The following TBC1D2B variants were observed in gnomAD, a reference collection of about 807,000 sequenced individuals.
TBC1D2B encodes TBC1 domain family member 2B.
In TBC1D2B, 64 loss-of-function variants were observed where a neutral mutation model predicts 100.8. The observed-to-expected ratio is 0.64, with a 90% CI of 0.52 to 0.78. TBC1D2B has a LOEUF of 0.78. Ranked by LOEUF, TBC1D2B falls within the 30% of genes least tolerant of loss-of-function variation. TBC1D2B has a pLI of 0.00. For missense variants in TBC1D2B, 1,052 were observed against 1,218.4 expected (o/e 0.86, Z 2.03); for synonymous variants, 480 against 479.7 (o/e 1.00, Z -0.01).
chr15:78,053,872 T>C, intron 2 of TBC1D2B, 162 bp downstream of exon 2: 1 of 804,326 alleles, frequency 1.2e-6, no homozygotes, highest in East Asian at 2.7e-5. Context: ...GCATAAGCTT[T>C]GTACATGGAG....
chr15:78,028,130 T>C (rs1355097907), intron 4 of TBC1D2B, among the ~76,000 whole-genome samples: 2 of 152,256 alleles, frequency 1.3e-5, no homozygotes, highest in African/African-American at 4.8e-5. Flanking sequence ...TCAAAATTAC[T>C]TATTGTTATT....
At chr15:78,046,518 T>C (rs141656702) in intron 2 of TBC1D2B, among the ~76,000 whole-genome samples, 95 of 152,106 alleles carry the variant, frequency 6.2e-4, no homozygotes, top group Admixed American at 2.0e-3. Context: ...TTTTTTGAGA[T>C]AGGGTCTCAG....
intron 1 of TBC1D2B, among the ~76,000 whole-genome samples, chr15:78,067,816 T>C (rs1303966171): frequency 6.6e-6 from 1 of 152,036 alleles, no homozygotes; most frequent in African/African-American, 2.4e-5. Flanking sequence ...AAGATGGTGA[T>C]TCCCAGCTTA....
chr15:78,025,130 A>G lies in TBC1D2B; in HGVS notation c.1086+129T>C, dbSNP rs74643250. 1,631 of 739,342 alleles carry G rather than the reference A, an allele frequency of 2.2e-3. 3 individuals are homozygous for G. Among genetic ancestry groups the G allele is most frequent in the Non-Finnish European group, 2.3e-3 (1,015 of 447,412 alleles). 45.8% of individuals were successfully genotyped at this position (739,342 alleles called of 1,614,324 possible). On this transcript the variant is annotated intron_variant, in intron 5 of 12. Coordinates refer to ENST00000300584, the MANE Select transcript of TBC1D2B (RefSeq NM_144572.2). ...ACCGCCATGGCAATATGAAACCTCC[A>G]GGGGAAAAGCAACTCCTGGGAAACA...
At position 78,054,092 on chromosome 15, in the gene TBC1D2B, G is replaced by T; in HGVS notation, c.456C>A (p.Ser152Arg). 6.2e-7 allele frequency: 1 copy of T among 1,613,868 alleles called. No homozygotes were observed. Among genetic ancestry groups the T allele is most frequent in the Non-Finnish European group, 8.5e-7 (1 of 1,179,828 alleles). ...AATCCCCGGGAGTTGGAGAGGTCCT[G>T]CTGTCCCACTTGACCATGTCAAGAC... ...CNSLDMVKWD[S>R]RTSPTPGDFP... Residue 152 changes from serine (S) to arginine (R), a missense_variant, in exon 2 of 13, where the codon AGC becomes AGA. Ser to Arg is a moderately radical substitution (Grantham distance 110, BLOSUM62 -1). Around this residue, in one of 4 missense-constraint regions of TBC1D2B, gnomAD observed 627 missense variants for 646.1 expected, o/e 0.97. Coordinates refer to ENST00000300584, the MANE Select transcript of TBC1D2B (RefSeq NM_144572.2).
intron 6 of TBC1D2B, 142 bp downstream of exon 6, chr15:78,024,014 A>C: frequency 9.7e-7 from 1 of 1,030,824 alleles, no homozygotes; most frequent in Non-Finnish European, 1.4e-6. Flanking sequence ...ATTTGATGGT[A>C]AGTCCTGTTA....
chr15:78,003,922 C>T lies in TBC1D2B; in HGVS notation c.2389-432G>A, dbSNP rs574054995. ...TGCTTCCAAAAAGGAAGCAGCATCA[C>T]CACATCCATTCAACAAACATTTGCT... On this transcript the variant is annotated intron_variant, in intron 10 of 12. Coordinates refer to ENST00000300584, the MANE Select transcript of TBC1D2B (RefSeq NM_144572.2). 3.9e-5 allele frequency among the ~76,000 whole-genome samples: 6 copies of T among 152,312 alleles called. No individual in the cohort carries two copies. The South Asian group carries it at 1.0e-3, about 26-fold the overall frequency.
intron 1 of TBC1D2B, among the ~76,000 whole-genome samples, chr15:78,059,808 C>T (rs568940909): frequency 6.1e-4 from 93 of 152,248 alleles, no homozygotes; most frequent in African/African-American, 2.2e-3. Context: ...TTAGACAAGT[C>T]CCACAATAAA....
At chr15:78,039,943 G>GAACTA (rs2073036723) in intron 3 of TBC1D2B, among the ~76,000 whole-genome samples, 1 of 152,216 alleles carries the variant, frequency 6.6e-6, no homozygotes, top group South Asian at 2.1e-4. Flanking sequence ...CTGGACCCCA[G>GAACTA]GAGCCAGAGG....
chr15:78,039,683 C>T (rs1414419978), intron 3 of TBC1D2B, among the ~76,000 whole-genome samples: 1 of 152,028 alleles, frequency 6.6e-6, no homozygotes, highest in South Asian at 2.1e-4. Flanking sequence ...CTTACAATGA[C>T]ACTGTGCTAG....
rs776514822 is a variant in TBC1D2B at position 78,025,350 on chromosome 15, C to G, written c.995G>C (p.Ser332Thr). ...SEGTSGSGSVSIRKPASEMQL... is the reference protein window; with the variant it reads ...SEGTSGSGSVTIRKPASEMQL... ...CATTTCGGAGGCCGGCTTCCTGATG[C>G]TGACGCTGCCACTGCCTGATGTGCC... Residue 332 changes from serine (S) to threonine (T), a missense_variant, in exon 5 of 13, where the codon AGC (serine) becomes ACC (threonine). This residue lies in a region of TBC1D2B where 627 missense variants were observed against 646.1 expected (regional missense o/e 0.97). Transcript: ENST00000300584. The G allele has an allele frequency of 1.2e-6, 2 of 1,613,942 alleles. No individual in the cohort carries two copies. The highest frequency in any genetic ancestry group is 1.7e-6 in the Non-Finnish European group (2 of 1,179,886).
At chr15:78,055,228 A>G (rs1289035913) in intron 1 of TBC1D2B, among the ~76,000 whole-genome samples, 1 of 53,968 alleles carries the variant, frequency 1.9e-5, no homozygotes, top group East Asian at 9.7e-4. Context: ...CAGAACTGCT[A>G]TGTATCATGG....
intron 3 of TBC1D2B, among the ~76,000 whole-genome samples, chr15:78,033,596 T>C (rs2141728238): frequency 6.6e-6 from 1 of 152,362 alleles, no homozygotes; most frequent in Non-Finnish European, 1.5e-5. Flanking sequence ...TACATCGCTG[T>C]GTATAATTTC....
intron 10 of TBC1D2B, among the ~76,000 whole-genome samples, chr15:78,004,655 C>T (rs761741940): frequency 3.9e-5 from 6 of 152,198 alleles, no homozygotes; most frequent in Non-Finnish European, 7.3e-5. Flanking sequence ...CACTTTGATG[C>T]TTTTAATTCT....
At chr15:78,054,259 A>C in intron 1 of TBC1D2B, 72 bp from the exon 2 acceptor site, 2 of 1,436,888 alleles carry the variant, frequency 1.4e-6, no homozygotes, top group Non-Finnish European at 1.9e-6. Context: ...ATTATGTCTC[A>C]TGAGTAGACT....
At chr15:78,049,056 T>A (rs1052101667) in intron 2 of TBC1D2B, among the ~76,000 whole-genome samples, 51 of 152,220 alleles carry the variant, frequency 3.4e-4, no homozygotes, top group African/African-American at 1.2e-3. Context: ...CTGAAAAAAA[T>A]TTTTTTATTT....
intron 1 of TBC1D2B, among the ~76,000 whole-genome samples, chr15:78,063,790 T>C (rs546437221): frequency 4.1e-4 from 63 of 152,282 alleles, no homozygotes; most frequent in South Asian, 3.9e-3. Context: ...CTCCTATTCC[T>C]AAGGACTCCC....
intron 6 of TBC1D2B, among the ~76,000 whole-genome samples, chr15:78,018,370 T>A (rs1425535585): frequency 5.3e-5 from 8 of 152,226 alleles, no homozygotes; most frequent in Non-Finnish European, 1.2e-4. Flanking sequence ...AAGGTTCTCA[T>A]CTTCACTTAT....
intron 4 of TBC1D2B, among the ~76,000 whole-genome samples, chr15:78,026,148 GTTGT>G (rs1221350046): frequency 3.0e-5 from 4 of 131,566 alleles, no homozygotes; most frequent in South Asian, 2.4e-4. Context: ...GTTGGTTTTT[GTTGT>G]TTTTTTTTTT....
Sources: gnomAD v4.1 joint callset for allele counts (sites outside exome capture counted in the v4.1 genomes callset) on GRCh38, gnomAD v4.1.1 for gene constraint, gnomAD v4.1.1 regional missense constraint, MANE v1.5 for transcripts, NCBI Gene and HGNC (gene_info 2026-07-23, HGNC 2026-07-21) for gene names.